ZC3H11A: variants seen among roughly 807,000 people sequenced by gnomAD.
ZC3H11A encodes the protein zinc finger CCCH domain-containing protein 11A.
A neutral mutation model predicts 90.8 loss-of-function variants in ZC3H11A; 22 were observed. The ratio of observed to expected loss-of-function variants is 0.24; its 90% CI spans 0.17 to 0.35. The LOEUF is 0.35. Among genes scored for constraint, ZC3H11A ranks in the 10% least tolerant of loss-of-function variants. The probability of loss-of-function intolerance (pLI) is 1.00; values close to 1 mark genes in which losing one functional copy is unlikely to be tolerated. For synonymous variants in ZC3H11A, 294 were observed against 339.8 expected (o/e 0.87, Z 1.48); for missense variants, 701 against 964.9 (o/e 0.73, Z 3.62).
In ZC3H11A at chr1:203,810,148, T is replaced by C. The variant is rs559676500; in HGVS notation, c.-145-6778T>C. On this transcript the variant is annotated intron_variant, in intron 2 of 17. Transcript: ENST00000367210. ...TGGTGTTTTTTTTGTTTTTGTTTTT[T>C]GTTTTTTTTTTAAGAGATGAGGTCT... Among the ~76,000 whole-genome samples the C allele has an allele frequency of 1.6e-4, 24 of 152,074 alleles. 1 individual carries two copies. Among genetic ancestry groups the C allele is most frequent in the Admixed American group, 1.4e-3 (21 of 15,270 alleles).
chr1:203,830,292 A>C, intron 8 of ZC3H11A, 89 bp downstream of exon 8: 1 of 1,008,966 alleles, frequency 9.9e-7, no homozygotes, highest in Non-Finnish European at 1.5e-6. Context: ...AAAATGAGCA[A>C]ATAGATTTTC....
chr1:203,841,792 TCCC>T (rs1312589441), intron 12 of ZC3H11A, among the ~76,000 whole-genome samples: 7 of 142,326 alleles, frequency 4.9e-5, no homozygotes, highest in Non-Finnish European at 9.0e-5. Context: ...GCCCCCCACC[TCCC>T]TCCCGGACGG....
At chr1:203,815,872 T>C (rs1466174756) in intron 2 of ZC3H11A, among the ~76,000 whole-genome samples, 3 of 152,244 alleles carry the variant, frequency 2.0e-5, no homozygotes, top group Non-Finnish European at 2.9e-5. Flanking sequence ...GCTTTTGTTA[T>C]ATGCTTTTGT....
chr1:203,797,710 A>G (rs1669052781), intron 1 of ZC3H11A: 12 of 1,534,830 alleles, frequency 7.8e-6, no homozygotes, highest in Non-Finnish European at 9.6e-6. Flanking sequence ...GCTAAAAAGA[A>G]AAGAAAGAAG....
At chr1:203,830,640 G>A (rs982155681) in intron 8 of ZC3H11A, among the ~76,000 whole-genome samples, 1 of 151,988 alleles carries the variant, frequency 6.6e-6, no homozygotes, top group African/African-American at 2.4e-5. Context: ...GTGAAACCCC[G>A]TCTCTACTAA....
At chr1:203,819,543 T>TC (rs1677737242) in intron 4 of ZC3H11A, among the ~76,000 whole-genome samples, 1 of 136,960 alleles carries the variant, frequency 7.3e-6, no homozygotes, top group East Asian at 2.2e-4. Context: ...TTTTTTTTTT[T>TC]TTTTTTTTGA....
chr1:203,803,285 A>C (rs373845345), intron 2 of ZC3H11A, among the ~76,000 whole-genome samples: 1 of 151,820 alleles, frequency 6.6e-6, no homozygotes, highest in Admixed American at 6.6e-5. Flanking sequence ...TCCTCCTCCC[A>C]GGTTCAAGCA....
rs561671295 is a variant in ZC3H11A, at chr1:203,807,523, T to G, written c.-146+4507T>G. Among the ~76,000 whole-genome samples the G allele has an allele frequency of 1.5e-4, 22 of 145,734 alleles. No homozygotes were observed. The East Asian group carries it at 1.8e-3, about 12-fold the overall frequency. ...CACAAAGTTTTGTTTTGTCTTACTG[T>G]TTTTTTTTTGTTGGTTTTTTAGAGA... On this transcript the variant is annotated intron_variant, in intron 2 of 17. Transcript: ENST00000367210.
rs1229579034 is a variant in ZC3H11A, at chr1:203,802,298, C to T, written c.-864C>T. The T allele has an allele frequency of 6.6e-6, 1 of 152,464 alleles. No individual in the cohort carries two copies. The allele number at this position is 152,464 out of a possible 1,614,324, so 9.4% of individuals were successfully genotyped here. A position where few individuals can be genotyped will look rare whatever the true frequency, so the allele number is the denominator to read the frequency against. On this transcript the variant is annotated 5_prime_UTR_variant, in exon 2 of 18. Coordinates refer to ENST00000367210, the MANE Select transcript of ZC3H11A (RefSeq NM_001376342.1). The stretch of plus-strand genomic sequence containing the variant: ...GTGGGCTGGGCAAAATTTAGTGTAA[C>T]AATAACTTCATGATACTTTGGTATA...
chr1:203,833,617 G>GGTTTTTTT (rs1683189948), intron 9 of ZC3H11A, among the ~76,000 whole-genome samples, 174 bp from the exon 10 acceptor site: 1 of 72,084 alleles, frequency 1.4e-5, no homozygotes. Context: ...AATAGGTTTG[G>GGTTTTTTT]GTTTTTTTTT....
chr1:203,821,495 T>A (rs749065064), intron 4 of ZC3H11A, among the ~76,000 whole-genome samples: 2 of 152,182 alleles, frequency 1.3e-5, no homozygotes, highest in Non-Finnish European at 2.9e-5. Context: ...TGTGTTCTTT[T>A]GATGTTTCCA....
chr1:203,804,883 G>A (rs956244340), intron 2 of ZC3H11A, among the ~76,000 whole-genome samples: 8 of 151,766 alleles, frequency 5.3e-5, no homozygotes, highest in Admixed American at 5.3e-4. Flanking sequence ...ATATTGGCCA[G>A]GCTGGTCTCA....
chr1:203,818,568 A>G lies in ZC3H11A; in HGVS notation c.55-2A>G. The G allele has an allele frequency of 6.2e-7, 1 of 1,614,012 alleles. No homozygotes were observed. Among genetic ancestry groups the G allele is most frequent in the Non-Finnish European group, 8.5e-7 (1 of 1,179,946 alleles). ...AATAGAGTGTTCTCTATTTGTTTAC[A>G]GGGTGACAGCTGCCCATTCCGTCAC... On this transcript the variant is annotated splice_acceptor_variant, in intron 3 of 17. Transcript: ENST00000367210. LOFTEE classifies it high-confidence loss of function.
chr1:203,799,914 G>A (rs1571882469), intron 1 of ZC3H11A: 1 of 1,536,126 alleles, frequency 6.5e-7, no homozygotes, highest in Non-Finnish European at 8.7e-7. Flanking sequence ...CCTTGCAGAA[G>A]AGGTCTGTAA....
At chr1:203,823,865 A>G (rs1391245202) in intron 4 of ZC3H11A, among the ~76,000 whole-genome samples, 1 of 152,240 alleles carries the variant, frequency 6.6e-6, no homozygotes, top group African/African-American at 2.4e-5. Context: ...GTAGAGTGCC[A>G]GGTAGCTGTT....
chr1:203,841,238 G>C (rs949838169), intron 12 of ZC3H11A, among the ~76,000 whole-genome samples: 2 of 151,568 alleles, frequency 1.3e-5, no homozygotes, highest in South Asian at 4.2e-4. Context: ...CAACAGTGGA[G>C]GGAAGGTCAG....
chr1:203,818,549 G>A (rs1572067559), intron 3 of ZC3H11A, 21 bp from the exon 4 acceptor site: 5 of 1,613,294 alleles, frequency 3.1e-6, no homozygotes, highest in Middle Eastern at 1.7e-4. Context: ...TACAAATAGA[G>A]TGTTCTCTAT....
chr1:203,840,673 G>T (rs1379083158), intron 12 of ZC3H11A, among the ~76,000 whole-genome samples: 1 of 150,720 alleles, frequency 6.6e-6, no homozygotes, highest in Admixed American at 6.6e-5. Context: ...TGCTCTTGTT[G>T]CCCAGGCTGG....
intron 2 of ZC3H11A, among the ~76,000 whole-genome samples, chr1:203,808,057 C>T (rs1294318689): frequency 1.1e-4 from 17 of 151,726 alleles, no homozygotes; most frequent in Admixed American, 1.1e-3. Context: ...TGTTTTTTTT[C>T]TACTTTTATT....
Sources: allele counts gnomAD v4.1 joint callset (sites outside exome capture counted in the v4.1 genomes callset), GRCh38; gene constraint gnomAD v4.1.1; transcripts MANE v1.5; gene names NCBI Gene and HGNC (gene_info 2026-07-23, HGNC 2026-07-21).